CLSTN2: variants seen among roughly 807,000 people sequenced by gnomAD.
CLSTN2 encodes calsyntenin 2, also known as calsyntenin-2.
In CLSTN2, 48 loss-of-function variants were observed where a neutral mutation model predicts 101.2. The observed-to-expected ratio is 0.47, with a 90% CI of 0.38 to 0.60. The LOEUF is 0.60. Among genes scored for constraint, CLSTN2 ranks in the 20% least tolerant of loss-of-function variants. The probability of loss-of-function intolerance (pLI) is 0.00; values close to 1 mark genes in which losing one functional copy is unlikely to be tolerated. For missense variants in CLSTN2, 1,160 were observed against 1,238.2 expected (o/e 0.94, Z 0.95); for synonymous variants, 481 against 463.6 (o/e 1.04, Z -0.48).
At chr3:140,012,925 G>A (rs2007117702) in intron 1 of CLSTN2, among the ~76,000 whole-genome samples, 1 of 76,652 alleles carries the variant, frequency 1.3e-5, no homozygotes, top group African/African-American at 3.8e-5. Flanking sequence ...TGGAGGTATG[G>A]CTGGACACAG....
At chr3:140,013,514 C>T (rs1408260693) in intron 1 of CLSTN2, among the ~76,000 whole-genome samples, 1 of 152,162 alleles carries the variant, frequency 6.6e-6, no homozygotes, top group Non-Finnish European at 1.5e-5. Flanking sequence ...GGAAATAAGG[C>T]CGTTTGGGTG....
chr3:139,991,975 T>C (rs1475832649), intron 1 of CLSTN2, among the ~76,000 whole-genome samples: 1 of 152,216 alleles, frequency 6.6e-6, no homozygotes, highest in Non-Finnish European at 1.5e-5. Context: ...AGTCTTATAA[T>C]TGAGACCCAT....
At chr3:140,544,519 T>C (rs1935547624) in intron 9 of CLSTN2, among the ~76,000 whole-genome samples, 1 of 152,216 alleles carries the variant, frequency 6.6e-6, no homozygotes, top group Admixed American at 6.5e-5. Flanking sequence ...TTAGAATCCC[T>C]GGGGATGTGA....
At chr3:140,224,339 A>C (rs1329567743) in intron 2 of CLSTN2, among the ~76,000 whole-genome samples, 1 of 152,206 alleles carries the variant, frequency 6.6e-6, no homozygotes, top group Non-Finnish European at 1.5e-5. Context: ...ATGACAGAAA[A>C]AGTTTACAGT....
intron 8 of CLSTN2, among the ~76,000 whole-genome samples, chr3:140,497,248 T>C (rs1179311050): frequency 6.6e-6 from 1 of 152,040 alleles, no homozygotes; most frequent in Non-Finnish European, 1.5e-5. Flanking sequence ...GCAGAGATGT[T>C]GGCCACCCTT....
chr3:140,484,663 C>T (rs1934200177), intron 8 of CLSTN2, among the ~76,000 whole-genome samples: 2 of 152,150 alleles, frequency 1.3e-5, no homozygotes, highest in African/African-American at 4.8e-5. Context: ...TTGTTCATTT[C>T]CTTTTATTCT....
chr3:140,525,203 A>G (rs757339131), intron 8 of CLSTN2, among the ~76,000 whole-genome samples: 2 of 152,200 alleles, frequency 1.3e-5, no homozygotes, highest in Non-Finnish European at 2.9e-5. Context: ...AGCGCTAGCT[A>G]GATTAACAAA....
chr3:140,010,318 A>G (rs2007046678), intron 1 of CLSTN2, among the ~76,000 whole-genome samples: 1 of 152,180 alleles, frequency 6.6e-6, no homozygotes, highest in Admixed American at 6.5e-5. Context: ...CATAAATAAG[A>G]TGAGAAAATA....
chr3:140,152,598 G>T (rs141026115), intron 1 of CLSTN2, among the ~76,000 whole-genome samples: 1 of 152,184 alleles, frequency 6.6e-6, no homozygotes, highest in African/African-American at 2.4e-5. Flanking sequence ...GTATGAAATT[G>T]CTGCTGTGGA....
chr3:139,961,698 C>T (rs866488866), intron 1 of CLSTN2, among the ~76,000 whole-genome samples: 32 of 151,978 alleles, frequency 2.1e-4, no homozygotes, highest in Admixed American at 1.0e-3. Flanking sequence ...GAAAGATTAG[C>T]GGATTTTCTT....
At chr3:140,002,823 T>A (rs769801401) in intron 1 of CLSTN2, among the ~76,000 whole-genome samples, 1 of 149,256 alleles carries the variant, frequency 6.7e-6, no homozygotes, top group South Asian at 2.2e-4. Context: ...AGACTGTATT[T>A]TCCCCCCAAT....
chr3:140,378,676 T>C (rs897984963), intron 2 of CLSTN2, among the ~76,000 whole-genome samples: 2 of 152,234 alleles, frequency 1.3e-5, no homozygotes, highest in African/African-American at 4.8e-5. Context: ...AAGAGCTTCT[T>C]TGGATCCTTG....
rs181651237 is a variant in CLSTN2 at position 140,295,266 on chromosome 3, C to T, written c.233-108363C>T. 1.5e-3 allele frequency among the ~76,000 whole-genome samples: 227 copies of T among 152,106 alleles called. 4 individuals carry two copies. Among genetic ancestry groups the T allele is most frequent in the Admixed American group, 0.013 (205 of 15,280 alleles). On this transcript the variant is annotated intron_variant, in intron 2 of 16. Transcript: ENST00000458420. Reference sequence around the variant, plus strand: ...TTCTGTAAATTACGTATTTTCTTTGCGCATTTCTTTGTGGAAATATTGAAC... The same window carrying T: ...TTCTGTAAATTACGTATTTTCTTTGTGCATTTCTTTGTGGAAATATTGAAC...
At chr3:140,176,410 T>G (rs2010325871) in intron 2 of CLSTN2, among the ~76,000 whole-genome samples, 1 of 152,168 alleles carries the variant, frequency 6.6e-6, no homozygotes. Context: ...AGAGAAGACC[T>G]ATTGGCCGAC....
At chr3:140,490,117 TACACACACACAC>T (rs71637079) in intron 8 of CLSTN2, among the ~76,000 whole-genome samples, 8 of 1,952 alleles carry the variant, frequency 4.1e-3, no homozygotes, top group Non-Finnish European at 9.4e-3. Context: ...TATATATATA[TACACACACACAC>T]ACACACACAC....
intron 1 of CLSTN2, among the ~76,000 whole-genome samples, chr3:140,017,261 T>C (rs562238352): frequency 7.5e-4 from 114 of 152,314 alleles, no homozygotes; most frequent in African/African-American, 2.7e-3. Context: ...AGGCACAGCC[T>C]CCTGTTTCAG....
At chr3:140,235,064 C>T (rs150893966) in intron 2 of CLSTN2, among the ~76,000 whole-genome samples, 14 of 152,290 alleles carry the variant, frequency 9.2e-5, no homozygotes, top group African/African-American at 3.4e-4. Flanking sequence ...CTCTGAGCCT[C>T]TATGTCCTCA....
At chr3:140,495,535 C>T (rs1934448186) in intron 8 of CLSTN2, among the ~76,000 whole-genome samples, 1 of 152,108 alleles carries the variant, frequency 6.6e-6, no homozygotes, top group South Asian at 2.1e-4. Context: ...GAAATCTTTG[C>T]CCATGACTAT....
chr3:140,027,024 G>C (rs1234478753), intron 1 of CLSTN2, among the ~76,000 whole-genome samples: 1 of 152,220 alleles, frequency 6.6e-6, no homozygotes, highest in African/African-American at 2.4e-5. Context: ...ACTTGGGGCT[G>C]GTGGTGAGAT....
Sources: allele counts gnomAD v4.1 joint callset (sites outside exome capture counted in the v4.1 genomes callset), GRCh38; gene constraint gnomAD v4.1.1; transcripts MANE v1.5; gene names NCBI Gene and HGNC (gene_info 2026-07-23, HGNC 2026-07-21).